The following ALDH5A1 variants were observed in gnomAD, a reference collection of about 807,000 sequenced individuals.
ALDH5A1 encodes aldehyde dehydrogenase 5 family member A1.
In ALDH5A1, 33 loss-of-function variants were observed where a neutral mutation model predicts 54.7. That is an observed-to-expected ratio of 0.60 (90% CI 0.46 to 0.81). ALDH5A1 has a LOEUF of 0.81. ALDH5A1 is among the 30% of genes least tolerant of loss of function. ALDH5A1 has a pLI of 0.00. For synonymous variants in ALDH5A1, 294 were observed against 292.7 expected (o/e 1.00, Z -0.05); for missense variants, 657 against 711.0 (o/e 0.92, Z 0.86).
intron 5 of ALDH5A1, among the ~76,000 whole-genome samples, chr6:24,520,081 A>G (rs1437934945): frequency 6.6e-6 from 1 of 151,828 alleles, no homozygotes; most frequent in African/African-American, 2.4e-5. Flanking sequence ...TTATTTATTT[A>G]ATTTTTGAAA....
At chr6:24,508,335 C>T (rs1312300195) in intron 4 of ALDH5A1, among the ~76,000 whole-genome samples, 11 of 126,054 alleles carry the variant, frequency 8.7e-5, no homozygotes, top group Admixed American at 1.0e-4. Flanking sequence ...GTACTCCAGC[C>T]AGGTGACAGA....
At chr6:24,530,272 A>C (rs1421946357) in intron 8 of ALDH5A1, among the ~76,000 whole-genome samples, 1 of 151,558 alleles carries the variant, frequency 6.6e-6, no homozygotes, top group East Asian at 1.9e-4. Context: ...TGTTTTTCCC[A>C]TCCCTGATAT....
intron 4 of ALDH5A1, among the ~76,000 whole-genome samples, chr6:24,508,543 A>C (rs1164603296): frequency 6.6e-6 from 1 of 152,022 alleles, no homozygotes; most frequent in Non-Finnish European, 1.5e-5. Flanking sequence ...GGTTTGTTCC[A>C]TGCTTTTGCA....
chr6:24,522,421 CAAAAT>C (rs1026120205), intron 6 of ALDH5A1, among the ~76,000 whole-genome samples: 21 of 150,250 alleles, frequency 1.4e-4, no homozygotes, highest in Non-Finnish European at 5.9e-5. Context: ...CCCAGGGAAA[CAAAAT>C]AAAAGCCATT....
chr6:24,528,242 G>T, intron 8 of ALDH5A1, 76 bp downstream of exon 8: 1 of 1,569,050 alleles, frequency 6.4e-7, no homozygotes, highest in Non-Finnish European at 8.7e-7. Flanking sequence ...GAGATTCCTG[G>T]GCTGCTTTGA....
At chr6:24,499,457 T>C (rs1295448194) in intron 1 of ALDH5A1, among the ~76,000 whole-genome samples, 1 of 133,186 alleles carries the variant, frequency 7.5e-6, no homozygotes, top group Non-Finnish European at 1.7e-5. Context: ...TGTGAATGAA[T>C]TAATTTTTTT....
chr6:24,514,232 T>G (rs1193830464), intron 4 of ALDH5A1, among the ~76,000 whole-genome samples: 1 of 152,218 alleles, frequency 6.6e-6, no homozygotes, highest in Non-Finnish European at 1.5e-5. Flanking sequence ...CCTTTCTTCA[T>G]CATCCCCCTG....
intron 1 of ALDH5A1, among the ~76,000 whole-genome samples, chr6:24,495,846 G>A (rs1764693258): frequency 6.6e-6 from 1 of 152,190 alleles, no homozygotes; most frequent in East Asian, 1.9e-4. Context: ...GGAGAGAACT[G>A]TAGAAAGATT....
intron 6 of ALDH5A1, among the ~76,000 whole-genome samples, chr6:24,521,011 C>A (rs1759674025): frequency 6.6e-6 from 1 of 152,156 alleles, no homozygotes; most frequent in East Asian, 1.9e-4. Context: ...CAATTGGGGT[C>A]TCTGAGGCCA....
intron 1 of ALDH5A1, among the ~76,000 whole-genome samples, chr6:24,498,518 C>G (rs1167430834): frequency 6.6e-6 from 1 of 152,144 alleles, no homozygotes; most frequent in Admixed American, 6.5e-5. Context: ...AGCTGCAGGG[C>G]GGGTGTTGGG....
chr6:24,515,105 T>TC lies in ALDH5A1; in HGVS notation c.727-62_727-61insC, dbSNP rs1759539468. Reference sequence around the variant, plus strand: ...AGTATCTATTTATTTCTCTTTTCTTTTTTTTTTTTTTTTTTTCAGTTTGGT... The same window carrying TC: ...AGTATCTATTTATTTCTCTTTTCTTTCTTTTTTTTTTTTTTTTCAGTTTGGT... On this transcript the variant is annotated intron_variant, in intron 4 of 9. Transcript: ENST00000357578. 4.2e-6 allele frequency: 5 copies of TC among 1,186,352 alleles called. No individual in the cohort carries two copies. The African/African-American group carries it at 6.4e-5, about 15-fold the overall frequency. 73.5% of individuals were successfully genotyped at this position (1,186,352 alleles called of 1,614,324 possible).
At chr6:24,522,501 G>GTA (rs1554137634) in intron 6 of ALDH5A1, 3 of 362,248 alleles carry the variant, frequency 8.3e-6, no homozygotes, top group East Asian at 5.9e-5. Flanking sequence ...GTGTGTGTGT[G>GTA]TGTACAGGTG....
chr6:24,495,651 A>G (rs1764687511), intron 1 of ALDH5A1, among the ~76,000 whole-genome samples: 1 of 152,134 alleles, frequency 6.6e-6, no homozygotes, highest in South Asian at 2.1e-4. Context: ...GTTATGGTCA[A>G]CAAGCCTAAC....
intron 9 of ALDH5A1, 55 bp from the exon 10 acceptor site, chr6:24,533,452 T>C: frequency 1.9e-6 from 3 of 1,574,966 alleles, no homozygotes; most frequent in Admixed American, 3.4e-5. Flanking sequence ...TCTTTAGGCA[T>C]GATGTCTTTA....
At chr6:24,523,297 C>A (rs1161943213) in intron 7 of ALDH5A1, among the ~76,000 whole-genome samples, 1 of 150,688 alleles carries the variant, frequency 6.6e-6, no homozygotes, top group Non-Finnish European at 1.5e-5. Flanking sequence ...CATACAAAAA[C>A]CACAAAGGTT....
intron 6 of ALDH5A1, among the ~76,000 whole-genome samples, chr6:24,520,883 T>C (rs1759670752): frequency 6.6e-6 from 1 of 152,176 alleles, no homozygotes; most frequent in Non-Finnish European, 1.5e-5. Context: ...TTAGTCAAAT[T>C]GTTCTCTGTT....
intron 8 of ALDH5A1, chr6:24,531,915 C>T: frequency 1.6e-6 from 1 of 617,722 alleles, no homozygotes; most frequent in Non-Finnish European, 2.9e-6. Flanking sequence ...GAGATGAAGC[C>T]AGTATTGATT....
chr6:24,515,840 C>G (rs998421905), intron 5 of ALDH5A1, among the ~76,000 whole-genome samples: 2 of 152,062 alleles, frequency 1.3e-5, no homozygotes, highest in African/African-American at 4.8e-5. Flanking sequence ...ATTGGGGCAG[C>G]GAGGGTCCCA....
chr6:24,533,344 G>A (rs547044586), intron 9 of ALDH5A1, among the ~76,000 whole-genome samples, 163 bp from the exon 10 acceptor site: 34 of 152,256 alleles, frequency 2.2e-4, no homozygotes, highest in African/African-American at 7.0e-4. Context: ...AAGGTTTTGA[G>A]ATGAAAAAGT....
Sources: gnomAD v4.1 joint callset for allele counts (sites outside exome capture counted in the v4.1 genomes callset) on GRCh38, gnomAD v4.1.1 for gene constraint, MANE v1.5 for transcripts, NCBI Gene and HGNC (gene_info 2026-07-23, HGNC 2026-07-21) for gene names.